The following ZCCHC3 variants were observed in gnomAD, a reference collection of about 807,000 sequenced individuals.
The protein encoded by ZCCHC3 is zinc finger CCHC domain-containing protein 3.
ZCCHC3 carries 20 observed loss-of-function variants against 18.4 expected under a neutral mutation model. That is an observed-to-expected ratio of 1.09 (90% CI 0.76 to 1.58). The LOEUF (loss-of-function observed/expected upper bound fraction) is 1.58, where lower values mean the gene tolerates loss of function less well. Ranked by LOEUF, ZCCHC3 falls within the 40% of genes most tolerant of loss-of-function variation. ZCCHC3 has a pLI of 0.00. For synonymous variants in ZCCHC3, 310 were observed against 232.7 expected (o/e 1.33, Z -3.02); for missense variants, 548 against 511.2 (o/e 1.07, Z -0.69).
rs533276856 is a variant in ZCCHC3 at position 298,216 on chromosome 20, C to A, written c.630C>A (p.Arg210=). The change falls in exon 1 of 1, where the codon CGC becomes CGA. Residue 210 remains arginine, a synonymous_variant. Coordinates refer to ENST00000500893, the MANE Select transcript of ZCCHC3 (RefSeq NM_033089.7). ...IYAVIQIPGS[R]EFDVSFRSAE... ...CGGTCATCCAGATCCCGGGCAGCCG[C>A]GAATTCGACGTGAGCTTCCGCTCAG... is the stretch of plus-strand genomic sequence containing the variant. The A allele has an allele frequency of 1.5e-5, 17 of 1,137,310 alleles. No homozygotes were observed. The East Asian group carries it at 3.7e-4, about 25-fold the overall frequency. The allele number at this position is 1,137,310 out of a possible 1,614,324, so 70.5% of individuals were successfully genotyped here.
chr20:298,037 C>G lies in ZCCHC3; in HGVS notation c.451C>G (p.Gln151Glu). ...EAEDAAERPL[Q>E]DEPAAAAGPG... Reference sequence around the variant, plus strand: ...CGAGGACGCGGCCGAGCGGCCCCTCCAGGATGAGCCGGCGGCGGCGGCAGG... The same window carrying G: ...CGAGGACGCGGCCGAGCGGCCCCTCGAGGATGAGCCGGCGGCGGCGGCAGG... The change falls in exon 1 of 1, where the codon CAG (glutamine) becomes GAG (glutamate). Residue 151 changes from glutamine to glutamate, a missense_variant. Transcript: ENST00000500893. 1.3e-6 allele frequency: 2 copies of G among 1,491,982 alleles called. No individual in the cohort carries two copies. The highest frequency in any genetic ancestry group is 2.6e-5 in the South Asian group (2 of 77,958). 92.4% of individuals were successfully genotyped at this position (1,491,982 alleles called of 1,614,324 possible).
rs1238388496 is a variant in ZCCHC3, at chr20:297,947, G to T, written c.361G>T (p.Gly121Cys). 16 of 1,295,690 alleles carry T rather than the reference G, an allele frequency of 1.2e-5. No homozygotes were observed. Among genetic ancestry groups the T allele is most frequent in the Non-Finnish European group, 1.6e-5 (16 of 1,026,266 alleles). The allele number at this position is 1,295,690 out of a possible 1,614,324, so 80.3% of individuals were successfully genotyped here. A position where few individuals can be genotyped will look rare whatever the true frequency, so the allele number is the denominator to read the frequency against. Reference protein sequence around the residue: ...PRKKKGAAEAGRRKKAEAAAA... With the variant: ...PRKKKGAAEACRRKKAEAAAA... ...CAAAAAGAAGGGCGCTGCGGAGGCG[G>T]GCAGGAGGAAGAAGGCCGAGGCGGC... The change falls in exon 1 of 1, where the codon GGC (glycine) becomes TGC (cysteine). Residue 121 changes from glycine to cysteine, a missense_variant. Gly to Cys is a radical substitution (Grantham distance 159). Transcript: ENST00000500893.
Position 298,725 on chromosome 20 carries a change from A to G in ZCCHC3, c.1139A>G (p.His380Arg). ...TGCAACCTCTGTGGCAAGCGAGGAC[A>G]CGCCTTTGCCCAGTGTCCCAAAGCA... is the stretch of plus-strand genomic sequence containing the variant. ...IVCNLCGKRG[H>R]AFAQCPKAVH... Residue 380 changes from histidine to arginine, a missense_variant, in exon 1 of 1, where the codon CAC becomes CGC. His to Arg is a conservative substitution (Grantham distance 29, BLOSUM62 0). Transcript: ENST00000500893. The G allele has an allele frequency of 6.2e-7, 1 of 1,604,560 alleles. No individual in the cohort carries two copies. Among genetic ancestry groups the G allele is most frequent in the South Asian group, 1.1e-5 (1 of 89,566 alleles).
rs568625842 is a variant in ZCCHC3 at position 298,989 on chromosome 20, A to G, written c.*191A>G. The stretch of plus-strand genomic sequence containing the variant: ...TTCTGAATTGGTGACTCTGTCACCA[A>G]TAACGACTGCGGAGAACTGTAGCGT... On this transcript the variant is annotated 3_prime_UTR_variant, in exon 1 of 1. Coordinates refer to ENST00000500893, the MANE Select transcript of ZCCHC3 (RefSeq NM_033089.7). 19 of 476,888 alleles carry G rather than the reference A, an allele frequency of 4.0e-5. No homozygotes were observed. The highest frequency in any genetic ancestry group is 7.2e-5 in the East Asian group (2 of 27,676). 29.5% of individuals were successfully genotyped at this position (476,888 alleles called of 1,614,324 possible).
Position 298,516 on chromosome 20 carries a change from C to G in ZCCHC3, c.930C>G (p.Val310=), listed in dbSNP as rs771667501. 1 of 754,750 alleles carries G rather than the reference C, an allele frequency of 1.3e-6. No individual in the cohort carries two copies. Among genetic ancestry groups the G allele is most frequent in the Non-Finnish European group, 2.5e-6 (1 of 404,000 alleles). 46.8% of individuals were successfully genotyped at this position (754,750 alleles called of 1,614,324 possible). Residue 310 remains valine, a synonymous_variant, in exon 1 of 1, where the codon GTC becomes GTG. Coordinates refer to ENST00000500893, the MANE Select transcript of ZCCHC3 (RefSeq NM_033089.7). ...EIELRQGEGG[V]RHLPGAFFLG... ...AGCTGCGCCAGGGGGAGGGCGGGGT[C>G]AGGCACTTGCCAGGGGCCTTCTTCC...
Position 298,635 on chromosome 20 carries a change from A to T in ZCCHC3, c.1049A>T (p.Gln350Leu). 8.4e-7 allele frequency: 1 copy of T among 1,184,186 alleles called. No individual in the cohort carries two copies. The highest frequency in any genetic ancestry group is 1.3e-6 in the Non-Finnish European group (1 of 788,778). The allele number at this position is 1,184,186 out of a possible 1,614,324, so 73.4% of individuals were successfully genotyped here. Residue 350 changes from glutamine (Q) to leucine (L), a missense_variant, in exon 1 of 1, where the codon CAG becomes CTG. Coordinates refer to ENST00000500893, the MANE Select transcript of ZCCHC3 (RefSeq NM_033089.7). ...ACCCACATGAGCGGCAGCTGCACGC[A>T]GGACAGGTGCTTCAGGTGCGGGGAG... ...SRTHMSGSCTQDRCFRCGEEG... is the reference protein window; with the variant it reads ...SRTHMSGSCTLDRCFRCGEEG...
rs748835196 is a variant in ZCCHC3, at chr20:298,342, G to A, written c.756G>A (p.Leu252=). Residue 252 remains leucine (L), a synonymous_variant, in exon 1 of 1, where the codon TTG becomes TTA. Transcript: ENST00000500893. ...TGCTGGGGCGGAGCAAGTCCAGCTT[G>A]AAGACGCTCTTCATCCTCTTCCGGA... ...FVVLGRSKSS[L]KTLFILFRNE... The A allele has an allele frequency of 1.3e-6, 1 of 783,616 alleles. No homozygotes were observed. The highest frequency in any genetic ancestry group is 2.4e-5 in the East Asian group (1 of 41,252). The allele number at this position is 783,616 out of a possible 1,614,324, so 48.5% of individuals were successfully genotyped here.
Position 298,189 on chromosome 20 carries a change from C to T in ZCCHC3, c.603C>T (p.Tyr201=), listed in dbSNP as rs2012678333. 1 of 1,382,310 alleles carries T rather than the reference C, an allele frequency of 7.2e-7. No individual in the cohort carries two copies. Among genetic ancestry groups the T allele is most frequent in the Non-Finnish European group, 1.0e-6 (1 of 968,422 alleles). The allele number at this position is 1,382,310 out of a possible 1,614,324, so 85.6% of individuals were successfully genotyped here. A position where few individuals can be genotyped will look rare whatever the true frequency, so the allele number is the denominator to read the frequency against. The change falls in exon 1 of 1, where the codon TAC becomes TAT. Residue 201 remains tyrosine (Y), a synonymous_variant. Coordinates refer to ENST00000500893, the MANE Select transcript of ZCCHC3 (RefSeq NM_033089.7). ...RSIGMDPSDI[Y]AVIQIPGSRE... ...TCGGCATGGACCCGAGCGACATCTA[C>T]GCGGTCATCCAGATCCCGGGCAGCC...
chr20:297,722 A>G lies in ZCCHC3; in HGVS notation c.136A>G (p.Asn46Asp). The stretch of plus-strand genomic sequence containing the variant: ...GATGGGCTGGGCCCAGGTGGTGAAG[A>G]ATCTAGCCGAGAAGAAGGGCGAATT... ...EKMGWAQVVK[N>D]LAEKKGEFRE... Residue 46 changes from asparagine (N) to aspartate (D), a missense_variant, in exon 1 of 1, where the codon AAT becomes GAT. Transcript: ENST00000500893. The G allele has an allele frequency of 7.3e-7, 1 of 1,374,222 alleles. No homozygotes were observed. Among genetic ancestry groups the G allele is most frequent in the South Asian group, 1.7e-5 (1 of 58,084 alleles). The allele number at this position is 1,374,222 out of a possible 1,614,324, so 85.1% of individuals were successfully genotyped here. A position where few individuals can be genotyped will look rare whatever the true frequency, so the allele number is the denominator to read the frequency against.
Position 298,174 on chromosome 20 carries a change from C to T in ZCCHC3, c.588C>T (p.Asp196=), listed in dbSNP as rs372545531. The T allele has an allele frequency of 5.1e-4, 742 of 1,466,780 alleles. 6 individuals are homozygous for T. The highest frequency in any genetic ancestry group is 4.9e-3 in the South Asian group (430 of 88,330). The allele number at this position is 1,466,780 out of a possible 1,614,324, so 90.9% of individuals were successfully genotyped here. A position where few individuals can be genotyped will look rare whatever the true frequency, so the allele number is the denominator to read the frequency against. ...GALILRSIGM[D]PSDIYAVIQI... The stretch of plus-strand genomic sequence containing the variant: ...TTATCCTGCGCTCCATCGGCATGGA[C>T]CCGAGCGACATCTACGCGGTCATCC... The change falls in exon 1 of 1, where the codon GAC becomes GAT. Residue 196 remains aspartate, a synonymous_variant. Coordinates refer to ENST00000500893, the MANE Select transcript of ZCCHC3 (RefSeq NM_033089.7).
Position 297,697 on chromosome 20 carries a change from G to T in ZCCHC3, c.111G>T (p.Lys37Asn), listed in dbSNP as rs1001536440. 4.4e-6 allele frequency: 6 copies of T among 1,372,758 alleles called. No homozygotes were observed. The South Asian group carries it at 8.4e-5, about 19-fold the overall frequency. 85.0% of individuals were successfully genotyped at this position (1,372,758 alleles called of 1,614,324 possible). A position where few individuals can be genotyped will look rare whatever the true frequency, so the allele number is the denominator to read the frequency against. ...AGGAGGCCGACGGCGGCCGCGAGAA[G>T]ATGGGCTGGGCCCAGGTGGTGAAGA... ...RGEEADGGRE[K>N]MGWAQVVKNL... is the part of the protein sequence containing the mutation. Residue 37 changes from lysine (K) to asparagine (N), a missense_variant, in exon 1 of 1, where the codon AAG (lysine) becomes AAT (asparagine). Coordinates refer to ENST00000500893, the MANE Select transcript of ZCCHC3 (RefSeq NM_033089.7).
In ZCCHC3 at chr20:299,795, T is replaced by G. The variant is rs1247071624; in HGVS notation, c.*997T>G. 1 of 166,624 alleles carries G rather than the reference T, an allele frequency of 6.0e-6. No homozygotes were observed. The highest frequency in any genetic ancestry group is 2.4e-5 in the African/African-American group (1 of 41,098). 10.3% of individuals were successfully genotyped at this position (166,624 alleles called of 1,614,324 possible). A position where few individuals can be genotyped will look rare whatever the true frequency, so the allele number is the denominator to read the frequency against. On this transcript the variant is annotated 3_prime_UTR_variant, in exon 1 of 1. Transcript: ENST00000500893. ...TGGAGGAGGGAGCAGAAAGAGAAGG[T>G]TTTTAAGGAGGGGCTTCTGAATACT...
In ZCCHC3 at chr20:297,988, G is replaced by T. The variant is rs1401296740; in HGVS notation, c.402G>T (p.Ala134=). 7.6e-7 allele frequency: 1 copy of T among 1,315,618 alleles called. No individual in the cohort carries two copies. 81.5% of individuals were successfully genotyped at this position (1,315,618 alleles called of 1,614,324 possible). Reference sequence around the variant, plus strand: ...CCGAGGCGGCGGCGGCCGCCATGGCGACCCCGGCCAGGCCCGGCGAGGCCG... The same window carrying T: ...CCGAGGCGGCGGCGGCCGCCATGGCTACCCCGGCCAGGCCCGGCGAGGCCG... ...KKAEAAAAAM[A]TPARPGEAED... is the part of the protein sequence containing the mutation. The change falls in exon 1 of 1, where the codon GCG becomes GCT. Residue 134 remains alanine (A), a synonymous_variant. Transcript: ENST00000500893.
In ZCCHC3 at chr20:298,447, C is replaced by T; in HGVS notation, c.861C>T (p.Thr287=). The change falls in exon 1 of 1, where the codon ACC becomes ACT. Residue 287 remains threonine, a synonymous_variant. Transcript: ENST00000500893. ...TGCTGGCCGTGCCGGTGAAAGTGAC[C>T]GACAGGTTTGGGATCTGGACCGGGG... ...CDVLAVPVKV[T]DRFGIWTGEY... 1.3e-6 allele frequency: 1 copy of T among 781,412 alleles called. No homozygotes were observed. The allele number at this position is 781,412 out of a possible 1,614,324, so 48.4% of individuals were successfully genotyped here.
In ZCCHC3 at chr20:297,755, C is replaced by G. The variant is rs1381701117; in HGVS notation, c.169C>G (p.Pro57Ala). The G allele has an allele frequency of 7.2e-7, 1 of 1,379,322 alleles. No homozygotes were observed. The highest frequency in any genetic ancestry group is 1.7e-5 in the South Asian group (1 of 58,736). 85.4% of individuals were successfully genotyped at this position (1,379,322 alleles called of 1,614,324 possible). ...CGAGAAGAAGGGCGAATTCCGCGAG[C>G]CGCGGCCGCCGCGGCGGGAGGAGGA... The part of the protein sequence containing the change: ...LAEKKGEFRE[P>A]RPPRREEESG... Residue 57 changes from proline to alanine, a missense_variant, in exon 1 of 1, where the codon CCG (proline) becomes GCG (alanine). Physicochemically the swap from Pro to Ala is conservative, Grantham distance 27. Transcript: ENST00000500893.
chr20:299,464 CT>C lies in ZCCHC3; in HGVS notation c.*667del, dbSNP rs936521008. 3 of 167,070 alleles carry C rather than the reference CT, an allele frequency of 1.8e-5. No homozygotes were observed. The highest frequency in any genetic ancestry group is 4.4e-5 in the Non-Finnish European group (3 of 68,122). 10.3% of individuals were successfully genotyped at this position (167,070 alleles called of 1,614,324 possible). On this transcript the variant is annotated 3_prime_UTR_variant, in exon 1 of 1. Transcript: ENST00000500893. ...GACTTCATGACAGCTCTTTTGGTGG[CT>C]CAGAAGCCATTTTTTATAGAATCAT... is the stretch of plus-strand genomic sequence containing the variant.
chr20:298,677 C>A lies in ZCCHC3; in HGVS notation c.1091C>A (p.Pro364His). 1 of 1,578,886 alleles carries A rather than the reference C, an allele frequency of 6.3e-7. No individual in the cohort carries two copies. Residue 364 changes from proline to histidine, a missense_variant, in exon 1 of 1, where the codon CCT (proline) becomes CAT (histidine). Pro to His is a moderately conservative substitution (Grantham distance 77, BLOSUM62 -2). Coordinates refer to ENST00000500893, the MANE Select transcript of ZCCHC3 (RefSeq NM_033089.7). ...FRCGEEGHLS[P>H]YCRKGIVCNL... ...TGCGGGGAGGAGGGGCACCTGAGCC[C>A]TTACTGCCGGAAGGGCATCGTGTGC...
At position 298,341 on chromosome 20, in the gene ZCCHC3, TGAA is replaced by T. The variant is rs1358028684; in HGVS notation, c.758_760del (p.Lys253del). The T allele has an allele frequency of 1.3e-6, 1 of 783,448 alleles. No individual in the cohort carries two copies. The highest frequency in any genetic ancestry group is 1.7e-5 in the African/African-American group (1 of 59,170). The allele number at this position is 783,448 out of a possible 1,614,324, so 48.5% of individuals were successfully genotyped here. ...GTGCTGGGGCGGAGCAAGTCCAGCT[TGAA>T]GACGCTCTTCATCCTCTTCCGGAAC... On this transcript the variant is annotated inframe_deletion, in exon 1 of 1. Transcript: ENST00000500893.
chr20:298,027 G>T lies in ZCCHC3; in HGVS notation c.441G>T (p.Glu147Asp). The T allele has an allele frequency of 7.0e-7, 1 of 1,437,462 alleles. No individual in the cohort carries two copies. The highest frequency in any genetic ancestry group is 9.1e-7 in the Non-Finnish European group (1 of 1,101,054). 89.0% of individuals were successfully genotyped at this position (1,437,462 alleles called of 1,614,324 possible). A position where few individuals can be genotyped will look rare whatever the true frequency, so the allele number is the denominator to read the frequency against. Residue 147 changes from glutamate to aspartate, a missense_variant, in exon 1 of 1, where the codon GAG (glutamate) becomes GAT (aspartate). By Grantham distance (45) the Glu-to-Asp change is conservative. Transcript: ENST00000500893. ...CCGGCGAGGCCGAGGACGCGGCCGA[G>T]CGGCCCCTCCAGGATGAGCCGGCGG... is the stretch of plus-strand genomic sequence containing the variant. ...ARPGEAEDAA[E>D]RPLQDEPAAA...
Sources: gnomAD v4.1 joint callset for allele counts on GRCh38, gnomAD v4.1.1 for gene constraint, MANE v1.5 for transcripts, NCBI Gene and HGNC (gene_info 2026-07-23, HGNC 2026-07-21) for gene names.